The following CIB2 variants were observed in gnomAD, a reference collection of about 807,000 sequenced individuals.
The protein encoded by CIB2 is calcium and integrin-binding family member 2.
CIB2 carries 19 observed loss-of-function variants against 23.1 expected under a neutral mutation model. The observed-to-expected ratio is 0.82, with a 90% CI of 0.57 to 1.21. The LOEUF (loss-of-function observed/expected upper bound fraction) is 1.21, where lower values mean the gene tolerates loss of function less well. CIB2 is among the 50% of genes most tolerant of loss of function. The pLI is 0.00. For missense variants in CIB2, 220 were observed against 241.5 expected (o/e 0.91, Z 0.59); for synonymous variants, 94 against 91.7 (o/e 1.03, Z -0.14).
intron 3 of CIB2, among the ~76,000 whole-genome samples, chr15:78,110,479 T>C (rs555334686): frequency 6.6e-6 from 1 of 152,306 alleles, no homozygotes; most frequent in East Asian, 1.9e-4. Flanking sequence ...TGACTCCACC[T>C]TCAAGCCACA....
chr15:78,107,072 CA>C (rs1035728287), intron 4 of CIB2, among the ~76,000 whole-genome samples: 244 of 139,328 alleles, frequency 1.8e-3, no homozygotes, highest in Middle Eastern at 3.8e-3. Context: ...ACTAAAAATA[CA>C]AAAAAAAAAA....
In CIB2 at chr15:78,105,327, A is replaced by T; in HGVS notation, c.548T>A (p.Phe183Tyr). The change falls in exon 6 of 6, where the codon TTC (phenylalanine) becomes TAC (tyrosine). Residue 183 changes from phenylalanine to tyrosine, a missense_variant. Phe to Tyr is a conservative substitution (Grantham distance 22). Transcript: ENST00000258930. ...GCAGTGTCCTCAGATCCGGATGTGG[A>T]AAGTGCTAGAAAGAGAGAAAGGGCA... ...IAKAPDFLST[F>Y]HIRI 1 of 1,613,952 alleles carries T rather than the reference A, an allele frequency of 6.2e-7. No homozygotes were observed. The highest frequency in any genetic ancestry group is 8.5e-7 in the Non-Finnish European group (1 of 1,179,942).
intron 4 of CIB2, among the ~76,000 whole-genome samples, chr15:78,108,201 CA>C (rs5813898): frequency 0.67 from 70,856 of 105,398 alleles, 21,436 homozygotes; most frequent in East Asian, 0.81. Context: ...GACTCTGTCT[CA>C]AAAAAAAAAA....
At chr15:78,113,536 CTT>C (rs71145895) in intron 2 of CIB2, among the ~76,000 whole-genome samples, 26 of 145,018 alleles carry the variant, frequency 1.8e-4, no homozygotes, top group Non-Finnish European at 2.4e-4. Flanking sequence ...TTCTTTCTTT[CTT>C]TTTTTTTTTT....
chr15:78,125,685 G>T (rs760537882), intron 1 of CIB2, among the ~76,000 whole-genome samples: 3 of 152,096 alleles, frequency 2.0e-5, no homozygotes, highest in African/African-American at 7.2e-5. Context: ...CTGTGGGTGG[G>T]GTCCAGGGAT....
chr15:78,127,396 G>A (rs1287414382), intron 1 of CIB2, among the ~76,000 whole-genome samples: 3 of 152,168 alleles, frequency 2.0e-5, no homozygotes, highest in African/African-American at 4.8e-5. Context: ...CATGAGGAGT[G>A]GAAGGGAGGG....
At chr15:78,108,679 C>T (rs970867178) in intron 4 of CIB2, among the ~76,000 whole-genome samples, 2 of 152,230 alleles carry the variant, frequency 1.3e-5, no homozygotes, top group African/African-American at 4.8e-5. Flanking sequence ...CCATTTTACA[C>T]CTCAAAGCTG....
At chr15:78,121,975 C>T (rs2074326693) in intron 2 of CIB2, among the ~76,000 whole-genome samples, 1 of 152,176 alleles carries the variant, frequency 6.6e-6, no homozygotes, top group Admixed American at 6.5e-5. Flanking sequence ...TGTGTCTCAC[C>T]TCTGCTGCTC....
chr15:78,129,780 A>C (rs991677436), intron 1 of CIB2, among the ~76,000 whole-genome samples: 4 of 152,228 alleles, frequency 2.6e-5, no homozygotes, highest in African/African-American at 9.6e-5. Flanking sequence ...CCTAGGAGTC[A>C]AGATTCGAAA....
At position 78,105,170 on chromosome 15, in the gene CIB2, T is replaced by C. The variant is rs1302202976; in HGVS notation, c.*141A>G. The C allele has an allele frequency of 8.4e-7, 1 of 1,183,850 alleles. No homozygotes were observed. Among genetic ancestry groups the C allele is most frequent in the Admixed American group, 2.4e-5 (1 of 41,612 alleles). The allele number at this position is 1,183,850 out of a possible 1,614,324, so 73.3% of individuals were successfully genotyped here. On this transcript the variant is annotated 3_prime_UTR_variant, in exon 6 of 6. Transcript: ENST00000258930. The stretch of plus-strand genomic sequence containing the variant: ...CCCCTTCCTGGTTAAGGTTTTTTTT[T>C]TGCTGAAAGGGCCACAGGATATATT...
In CIB2 at chr15:78,105,774, G is replaced by C. The variant is rs768407461; in HGVS notation, c.507C>G (p.Phe169Leu). Reference sequence around the variant, plus strand: ...CAGGGGCCTTGGCAATCATGTCCTCGAAGTCAGCAAAGCCCAGCTTGCCGT... The same window carrying C: ...CAGGGGCCTTGGCAATCATGTCCTCCAAGTCAGCAAAGCCCAGCTTGCCGT... ...DGDGKLGFAD[F>L]EDMIAKAPDF... is the part of the protein sequence containing the mutation. Residue 169 changes from phenylalanine (F) to leucine (L), a missense_variant, in exon 5 of 6, where the codon TTC becomes TTG. Phe to Leu is a conservative substitution (Grantham distance 22). Coordinates refer to ENST00000258930, the MANE Select transcript of CIB2 (RefSeq NM_006383.4). 2 of 1,614,170 alleles carry C rather than the reference G, an allele frequency of 1.2e-6. No individual in the cohort carries two copies. The highest frequency in any genetic ancestry group is 1.7e-6 in the Non-Finnish European group (2 of 1,180,026).
intron 1 of CIB2, among the ~76,000 whole-genome samples, chr15:78,129,691 T>G (rs976208261): frequency 1.3e-5 from 2 of 152,134 alleles, no homozygotes; most frequent in African/African-American, 2.4e-5. Flanking sequence ...AGTCTGTCTC[T>G]GAGTGTCTGA....
At chr15:78,115,676 CTTTTTTTTTTTTTT>C (rs56754406) in intron 2 of CIB2, among the ~76,000 whole-genome samples, 2 of 71,316 alleles carry the variant, frequency 2.8e-5, no homozygotes, top group African/African-American at 5.4e-5. Flanking sequence ...ATCTCCTTCT[CTTTTTTTTTTTTTT>C]TTTTTTTTTT....
chr15:78,112,830 C>A (rs557717294), intron 2 of CIB2, among the ~76,000 whole-genome samples: 1 of 152,334 alleles, frequency 6.6e-6, no homozygotes, highest in Non-Finnish European at 1.5e-5. Flanking sequence ...AGCCACCCAA[C>A]CTTCCTTGGG....
At chr15:78,110,022 T>C (rs2074132345) in intron 3 of CIB2, among the ~76,000 whole-genome samples, 1 of 151,912 alleles carries the variant, frequency 6.6e-6, no homozygotes, top group Non-Finnish European at 1.5e-5. Flanking sequence ...CAGGCCAGGA[T>C]CGTGGGAGGT....
At chr15:78,108,576 T>C (rs1378589729) in intron 4 of CIB2, among the ~76,000 whole-genome samples, 3 of 152,114 alleles carry the variant, frequency 2.0e-5, no homozygotes, top group African/African-American at 7.2e-5. Flanking sequence ...TGAATCCAGG[T>C]GGCCCTACCT....
chr15:78,129,018 G>A (rs1265542384), intron 1 of CIB2, among the ~76,000 whole-genome samples: 1 of 152,174 alleles, frequency 6.6e-6, no homozygotes, highest in Non-Finnish European at 1.5e-5. Context: ...AGTTTGAGGG[G>A]TCTGGGGGAT....
At chr15:78,120,948 C>G (rs1226745361) in intron 2 of CIB2, among the ~76,000 whole-genome samples, 1 of 152,156 alleles carries the variant, frequency 6.6e-6, no homozygotes. Flanking sequence ...CCTCTCTGGG[C>G]TCCAGGCCTC....
At chr15:78,106,681 T>C (rs2074075824) in intron 4 of CIB2, among the ~76,000 whole-genome samples, 1 of 152,170 alleles carries the variant, frequency 6.6e-6, no homozygotes, top group Non-Finnish European at 1.5e-5. Context: ...CTGTTTCTTC[T>C]GCCTGGGGTC....
Sources: allele counts gnomAD v4.1 joint callset (sites outside exome capture counted in the v4.1 genomes callset), GRCh38; gene constraint gnomAD v4.1.1; transcripts MANE v1.5; gene names NCBI Gene and HGNC (gene_info 2026-07-23, HGNC 2026-07-21).